The following SFMBT1 variants were observed in gnomAD, a reference collection of about 807,000 sequenced individuals.
SFMBT1 encodes scm-like with four MBT domains protein 1.
In SFMBT1, 32 loss-of-function variants were observed where a neutral mutation model predicts 108.7. The observed-to-expected ratio is 0.29, with a 90% CI of 0.22 to 0.40. The LOEUF is 0.40. SFMBT1 is among the 10% of genes least tolerant of loss of function. SFMBT1 has a pLI of 1.00. For missense variants in SFMBT1, 816 were observed against 1,059.6 expected (o/e 0.77, Z 3.19); for synonymous variants, 348 against 369.5 (o/e 0.94, Z 0.67).
At chr3:53,045,366 A>AGCGCGGGGCGCGCGCGGGGAGGG (rs1700193975) in intron 1 of SFMBT1, 1 of 134,418 alleles carries the variant, frequency 7.4e-6, no homozygotes. Context: ...CGGCGGGCGG[A>AGCGCGGGGCGCGCGCGGGGAGGG]GCGCGGGGCG....
At chr3:52,981,567 C>T (rs1257209510) in intron 1 of SFMBT1, among the ~76,000 whole-genome samples, 3 of 142,920 alleles carry the variant, frequency 2.1e-5, no homozygotes, top group Middle Eastern at 3.7e-3. Flanking sequence ...TCTGCAGAGA[C>T]GAGGTCTCAC....
At chr3:52,922,504 C>A (rs1344781480) in intron 10 of SFMBT1, among the ~76,000 whole-genome samples, 1 of 152,032 alleles carries the variant, frequency 6.6e-6, no homozygotes, top group African/African-American at 2.4e-5. Flanking sequence ...ATGGATATAA[C>A]AGGAAAGGAA....
intron 1 of SFMBT1, among the ~76,000 whole-genome samples, chr3:53,029,158 C>A (rs1240855935): frequency 8.1e-6 from 1 of 123,104 alleles, no homozygotes; most frequent in Non-Finnish European, 1.6e-5. Context: ...GGCGACAGAG[C>A]GAGACTCCGT....
At chr3:52,971,431 A>G (rs1704340066) in intron 1 of SFMBT1, among the ~76,000 whole-genome samples, 1 of 152,186 alleles carries the variant, frequency 6.6e-6, no homozygotes, top group Non-Finnish European at 1.5e-5. Context: ...AATTGAAAAG[A>G]AACTTGAGAG....
intron 1 of SFMBT1, among the ~76,000 whole-genome samples, chr3:53,038,911 A>AT (rs1281796924): frequency 1.3e-5 from 2 of 152,070 alleles, no homozygotes; most frequent in Admixed American, 1.3e-4. Flanking sequence ...GAACACACAT[A>AT]TTTTTTTGGT....
At chr3:52,985,101 T>C (rs1704860366) in intron 1 of SFMBT1, among the ~76,000 whole-genome samples, 1 of 152,224 alleles carries the variant, frequency 6.6e-6, no homozygotes, top group Non-Finnish European at 1.5e-5. Context: ...GCTTTATTTA[T>C]GGGAGCCAGT....
intron 2 of SFMBT1, among the ~76,000 whole-genome samples, chr3:52,957,174 CCAA>C (rs1464203691): frequency 1.3e-5 from 2 of 152,022 alleles, no homozygotes; most frequent in Admixed American, 6.6e-5. Flanking sequence ...TTCCTATACG[CCAA>C]CAACAGACAA....
chr3:52,938,168 G>T (rs543950070), intron 4 of SFMBT1, among the ~76,000 whole-genome samples: 2 of 151,938 alleles, frequency 1.3e-5, no homozygotes, highest in African/African-American at 2.4e-5. Context: ...TTACTTTTTC[G>T]TAGTCTCTCT....
intron 3 of SFMBT1, among the ~76,000 whole-genome samples, chr3:52,953,312 G>T (rs1265464085): frequency 6.6e-6 from 1 of 152,064 alleles, no homozygotes; most frequent in Non-Finnish European, 1.5e-5. Flanking sequence ...AATTAGCTGG[G>T]TGTGGTGGTG....
At chr3:52,912,218 T>A (rs1194156668) in intron 16 of SFMBT1, among the ~76,000 whole-genome samples, 3 of 151,854 alleles carry the variant, frequency 2.0e-5, no homozygotes, top group Non-Finnish European at 4.4e-5. Context: ...TCTCCCTCTG[T>A]CACCCAGGCT....
chr3:52,978,632 A>G (rs1379269216), intron 1 of SFMBT1, among the ~76,000 whole-genome samples: 2 of 152,216 alleles, frequency 1.3e-5, no homozygotes, highest in African/African-American at 4.8e-5. Context: ...AAGACATTTG[A>G]AAACATATGT....
chr3:52,951,469 T>G (rs1575397436), intron 3 of SFMBT1, among the ~76,000 whole-genome samples: 1 of 150,964 alleles, frequency 6.6e-6, no homozygotes, highest in Admixed American at 6.7e-5. Flanking sequence ...CAGGCTGGAG[T>G]GCAGTGGCAT....
chr3:52,910,976 T>C (rs200667088), intron 17 of SFMBT1, 27 bp downstream of exon 17: 135 of 1,611,860 alleles, frequency 8.4e-5, no homozygotes, highest in East Asian at 1.6e-4. Context: ...GCTGCTATGG[T>C]TAACACATTG....
Position 52,904,892 on chromosome 3 carries a change from T to G in SFMBT1, c.*244A>C. 2.4e-6 allele frequency: 1 copy of G among 420,424 alleles called. No individual in the cohort carries two copies. Among genetic ancestry groups the G allele is most frequent in the Admixed American group, 4.2e-5 (1 of 23,688 alleles). 26.0% of individuals were successfully genotyped at this position (420,424 alleles called of 1,614,324 possible). On this transcript the variant is annotated 3_prime_UTR_variant, in exon 21 of 21. Transcript: ENST00000394752. ...TATATAAGTCTTTTCCTCACAACCT[T>G]TATTTTTTAAAAACTGCCATCTGCT...
At chr3:52,952,239 T>C (rs894539368) in intron 3 of SFMBT1, among the ~76,000 whole-genome samples, 11 of 152,182 alleles carry the variant, frequency 7.2e-5, no homozygotes, top group Admixed American at 4.6e-4. Context: ...GCGCCTGCAG[T>C]CCCAGCTACT....
intron 1 of SFMBT1, among the ~76,000 whole-genome samples, chr3:52,979,554 C>T (rs1704635532): frequency 6.6e-6 from 1 of 152,176 alleles, no homozygotes; most frequent in African/African-American, 2.4e-5. Flanking sequence ...CACCCACATT[C>T]CACTAATTAA....
At chr3:52,943,169 G>T (rs1451023781) in intron 4 of SFMBT1, among the ~76,000 whole-genome samples, 184 bp downstream of exon 4, 1 of 152,112 alleles carries the variant, frequency 6.6e-6, no homozygotes, top group Non-Finnish European at 1.5e-5. Flanking sequence ...ATGTAGCAAA[G>T]AAAATAATTT....
chr3:53,028,357 C>T (rs1699566258), intron 1 of SFMBT1, among the ~76,000 whole-genome samples: 1 of 152,220 alleles, frequency 6.6e-6, no homozygotes, highest in Admixed American at 6.5e-5. Flanking sequence ...GCTGGGATTA[C>T]AGGCATGAGC....
intron 1 of SFMBT1, among the ~76,000 whole-genome samples, chr3:53,022,592 A>G (rs1211793580): frequency 6.6e-6 from 1 of 152,182 alleles, no homozygotes; most frequent in Non-Finnish European, 1.5e-5. Context: ...AATGAAGGCG[A>G]TTCTGACACG....
Sources: allele counts gnomAD v4.1 joint callset (sites outside exome capture counted in the v4.1 genomes callset), GRCh38; gene constraint gnomAD v4.1.1; transcripts MANE v1.5; gene names NCBI Gene and HGNC (gene_info 2026-07-23, HGNC 2026-07-21).